The following SMG6 variants were observed in gnomAD, a reference collection of about 807,000 sequenced individuals.
The protein encoded by SMG6 is telomerase-binding protein EST1A.
A neutral mutation model predicts 142.2 loss-of-function variants in SMG6; 66 were observed. The ratio of observed to expected loss-of-function variants is 0.46; its 90% CI spans 0.38 to 0.57. The LOEUF (loss-of-function observed/expected upper bound fraction) is 0.57. Ranked by LOEUF, SMG6 falls within the 20% of genes least tolerant of loss-of-function variation. SMG6 has a pLI of 0.00. For missense variants in SMG6, 1,793 were observed against 1,832.0 expected, an observed-to-expected ratio of 0.98 and a Z score of 0.39; for synonymous variants, 779 against 702.4, an observed-to-expected ratio of 1.11 and a Z score of -1.72.
At chr17:2,127,036 A>C (rs2069913748) in intron 13 of SMG6, among the ~76,000 whole-genome samples, 1 of 151,010 alleles carries the variant, frequency 6.6e-6, no homozygotes, top group South Asian at 2.1e-4. Context: ...CTACTTAGGA[A>C]GCTGAGGTGG....
At chr17:2,119,743 G>A (rs1202457721) in intron 13 of SMG6, among the ~76,000 whole-genome samples, 2 of 151,656 alleles carry the variant, frequency 1.3e-5, no homozygotes, top group African/African-American at 2.4e-5. Flanking sequence ...CTCACTGCAA[G>A]CTCCGCCTCC....
At chr17:2,252,039 G>A (rs982682056) in intron 8 of SMG6, among the ~76,000 whole-genome samples, 5 of 151,432 alleles carry the variant, frequency 3.3e-5, no homozygotes, top group African/African-American at 7.3e-5. Context: ...GACGGAGGTT[G>A]CAGTGAGCCA....
chr17:2,213,204 C>T (rs2072915597), intron 10 of SMG6, among the ~76,000 whole-genome samples: 2 of 152,208 alleles, frequency 1.3e-5, no homozygotes, highest in African/African-American at 4.8e-5. Flanking sequence ...TTTCAAGAGG[C>T]AGAACTGCTC....
At chr17:2,277,968 A>T (rs946053734) in intron 8 of SMG6, among the ~76,000 whole-genome samples, 1 of 152,142 alleles carries the variant, frequency 6.6e-6, no homozygotes, top group African/African-American at 2.4e-5. Flanking sequence ...GGATCACTTG[A>T]GCCCAGGAAA....
intron 8 of SMG6, among the ~76,000 whole-genome samples, chr17:2,255,133 G>A (rs984888150): frequency 5.9e-5 from 9 of 151,788 alleles, no homozygotes; most frequent in East Asian, 5.8e-4. Flanking sequence ...GGCCGGGCGC[G>A]GTGGCTCACA....
intron 10 of SMG6, among the ~76,000 whole-genome samples, chr17:2,194,309 A>G (rs1481803903): frequency 1.3e-5 from 2 of 152,234 alleles, no homozygotes; most frequent in Non-Finnish European, 2.9e-5. Context: ...TGAAGCAATG[A>G]GTGAATATTT....
chr17:2,292,182 G>A (rs1009692151), intron 6 of SMG6, among the ~76,000 whole-genome samples: 1 of 152,198 alleles, frequency 6.6e-6, no homozygotes, highest in African/African-American at 2.4e-5. Flanking sequence ...AAAACTTTAA[G>A]GGAGAGAAGT....
At chr17:2,287,403 T>C (rs1212144912) in intron 6 of SMG6, among the ~76,000 whole-genome samples, 4 of 152,194 alleles carry the variant, frequency 2.6e-5, no homozygotes, top group African/African-American at 7.2e-5. Flanking sequence ...ATAACAAGTG[T>C]TGGCAAGGAA....
chr17:2,300,220 T>C lies in SMG6; in HGVS notation c.533A>G (p.Glu178Gly). ...VLNQVEQLRV[E>G]EDECRGNVAK... ...AACATTTCCCCTACACTCATCTTCC[T>C]CTACTCTCAGTTGTTCTACCTGGTT... The change falls in exon 2 of 19, where the codon GAG (glutamate) becomes GGG (glycine). Residue 178 changes from glutamate to glycine, a missense_variant. This residue lies in a region of SMG6 where 1,597 missense variants were observed against 1,584.6 expected (regional missense o/e 1.01). Coordinates refer to ENST00000263073, the MANE Select transcript of SMG6 (RefSeq NM_017575.5). 1 of 1,614,198 alleles carries C rather than the reference T, an allele frequency of 6.2e-7. No individual in the cohort carries two copies. The highest frequency in any genetic ancestry group is 8.5e-7 in the Non-Finnish European group (1 of 1,180,042).
intron 12 of SMG6, among the ~76,000 whole-genome samples, chr17:2,176,893 A>G (rs558018307): frequency 6.6e-6 from 1 of 152,352 alleles, no homozygotes; most frequent in South Asian, 2.1e-4. Context: ...AAGGAAAAAA[A>G]TAAGAGTTAA....
At chr17:2,275,852 G>C (rs1336315002) in intron 8 of SMG6, among the ~76,000 whole-genome samples, 1 of 152,130 alleles carries the variant, frequency 6.6e-6, no homozygotes, top group Non-Finnish European at 1.5e-5. Context: ...CCCCAGGCTG[G>C]ATGTTCAACC....
rs530085593 is a variant in SMG6 at position 2,280,497 on chromosome 17, T to C, written c.2661+2150A>G. The C allele has an allele frequency of 3.2e-5, 20 of 628,536 alleles. No homozygotes were observed. In the African/African-American group the frequency reaches 4.0e-4, roughly 12 times the overall value. The allele number at this position is 628,536 out of a possible 1,614,324, so 38.9% of individuals were successfully genotyped here. A position where few individuals can be genotyped will look rare whatever the true frequency, so the allele number is the denominator to read the frequency against. On this transcript the variant is annotated intron_variant, in intron 8 of 18. Coordinates refer to ENST00000263073, the MANE Select transcript of SMG6 (RefSeq NM_017575.5). ...CCAGGCTGGTCTCGAACTCCTGACCTTGTGATCTGCTCGCCTCGGCCTCCT... is the reference window on the plus strand; with the variant it reads ...CCAGGCTGGTCTCGAACTCCTGACCCTGTGATCTGCTCGCCTCGGCCTCCT...
intron 6 of SMG6, among the ~76,000 whole-genome samples, chr17:2,291,930 T>C (rs1464381147): frequency 6.6e-6 from 1 of 151,096 alleles, no homozygotes; most frequent in Non-Finnish European, 1.5e-5. Flanking sequence ...CGATGGAACC[T>C]CTGGTACCTA....
chr17:2,168,493 G>A (rs911899385), intron 13 of SMG6, among the ~76,000 whole-genome samples: 20 of 152,248 alleles, frequency 1.3e-4, no homozygotes, highest in African/African-American at 4.1e-4. Flanking sequence ...TGCTTTTGCA[G>A]ATTTCTAAAA....
At chr17:2,172,405 T>A (rs1290612068) in intron 13 of SMG6, among the ~76,000 whole-genome samples, 1 of 151,764 alleles carries the variant, frequency 6.6e-6, no homozygotes, top group Non-Finnish European at 1.5e-5. Flanking sequence ...CTGCACTATT[T>A]AAACAAGTGA....
At chr17:2,168,726 A>C (rs2071414621) in intron 13 of SMG6, among the ~76,000 whole-genome samples, 1 of 151,742 alleles carries the variant, frequency 6.6e-6, no homozygotes, top group South Asian at 2.1e-4. Flanking sequence ...AAAAACAACA[A>C]AAAAAGTTTT....
At chr17:2,248,921 C>G (rs2073981442) in intron 8 of SMG6, among the ~76,000 whole-genome samples, 1 of 151,404 alleles carries the variant, frequency 6.6e-6, no homozygotes, top group African/African-American at 2.4e-5. Flanking sequence ...GAGTCTTGCT[C>G]TTTCACCCAG....
chr17:2,085,901 C>G lies in SMG6; in HGVS notation c.3358G>C (p.Val1120Leu), dbSNP rs1330699438. ...PCYVEKTSDK[V>L]IAADCKRVTV... Reference sequence around the variant, plus strand: ...ACCCTTTTGCAGTCAGCTGCAATAACCTACAGGGTGAGAGGGAGAGAAGAA... The same window carrying G: ...ACCCTTTTGCAGTCAGCTGCAATAAGCTACAGGGTGAGAGGGAGAGAAGAA... Residue 1120 changes from valine (V) to leucine (L), a missense_variant and splice_region_variant, in exon 14 of 19, where the codon GTT becomes CTT. By Grantham distance (32) the Val-to-Leu change is conservative (BLOSUM62 1). Coordinates refer to ENST00000263073, the MANE Select transcript of SMG6 (RefSeq NM_017575.5). The surrounding 1 kb of genome is among the most constrained non-coding windows in gnomAD (Gnocchi z 4.1). The G allele has an allele frequency of 1.9e-6, 3 of 1,613,906 alleles. No homozygotes were observed.
At position 2,247,785 on chromosome 17, in the gene SMG6, AAAAAAAG is replaced by A. The variant is rs542640744; in HGVS notation, c.2662-3073_2662-3067del. On this transcript the variant is annotated intron_variant, in intron 8 of 18. Transcript: ENST00000263073. ...GGGACAGAATGAAACTGTCTCAGAGAAAAAAAGAAAAAAGAAAAAAGATACAGGCCAG... is the reference window on the plus strand; with the variant it reads ...GGGACAGAATGAAACTGTCTCAGAGAAAAAAAGAAAAAAGATACAGGCCAG... 2.6e-3 allele frequency among the ~76,000 whole-genome samples: 402 copies of A among 151,838 alleles called. 1 individual carries two copies. Among genetic ancestry groups the A allele is most frequent in the African/African-American group, 9.0e-3 (374 of 41,388 alleles).
Sources: allele counts gnomAD v4.1 joint callset (sites outside exome capture counted in the v4.1 genomes callset), GRCh38; gene constraint gnomAD v4.1.1; regional missense constraint gnomAD v4.1.1; non-coding constraint Gnocchi (gnomAD v3.1); transcripts MANE v1.5; gene names NCBI Gene and HGNC (gene_info 2026-07-23, HGNC 2026-07-21).